NR3C2: variants seen among roughly 807,000 people sequenced by gnomAD.
NR3C2 encodes nuclear receptor subfamily 3 group C member 2.
NR3C2 carries 15 observed loss-of-function variants against 86.4 expected under a neutral mutation model. The ratio of observed to expected loss-of-function variants is 0.17; its 90% CI spans 0.12 to 0.27. NR3C2 has a LOEUF of 0.27. Ranked by LOEUF, NR3C2 falls within the 10% of genes least tolerant of loss-of-function variation. The probability of loss-of-function intolerance (pLI) is 1.00; values close to 1 mark genes in which losing one functional copy is unlikely to be tolerated. For missense variants in NR3C2, 960 were observed against 1,195.6 expected (o/e 0.80, Z 2.91); for synonymous variants, 458 against 450.5 (o/e 1.02, Z -0.21).
intron 4 of NR3C2, among the ~76,000 whole-genome samples, chr4:148,193,411 AGT>A (rs1560970769): frequency 3.3e-5 from 5 of 152,180 alleles, no homozygotes; most frequent in African/African-American, 1.2e-4. Flanking sequence ...TTGTTCTTGC[AGT>A]GGATCTGGAG....
chr4:148,297,401 A>T (rs1237769209), intron 2 of NR3C2, among the ~76,000 whole-genome samples: 3 of 152,240 alleles, frequency 2.0e-5, no homozygotes, highest in Non-Finnish European at 2.9e-5. Context: ...ACATAGGTAT[A>T]ACTTAGAATA....
At chr4:148,281,300 A>G (rs1376634654) in intron 2 of NR3C2, among the ~76,000 whole-genome samples, 1 of 152,254 alleles carries the variant, frequency 6.6e-6, no homozygotes, top group African/African-American at 2.4e-5. Flanking sequence ...AAATGCAGGG[A>G]AAACCGTTTA....
intron 3 of NR3C2, among the ~76,000 whole-genome samples, chr4:148,254,649 T>C (rs1474988324): frequency 6.6e-6 from 1 of 152,204 alleles, no homozygotes; most frequent in Non-Finnish European, 1.5e-5. Flanking sequence ...TGGGTAGGTA[T>C]TTATTTAGGC....
intron 3 of NR3C2, among the ~76,000 whole-genome samples, chr4:148,254,844 G>A (rs771037585): frequency 1.3e-5 from 2 of 152,090 alleles, no homozygotes; most frequent in South Asian, 2.1e-4. Context: ...TAAGCTTCCT[G>A]TACATGATTC....
At chr4:148,138,328 T>C (rs1733447857) in intron 6 of NR3C2, among the ~76,000 whole-genome samples, 1 of 152,250 alleles carries the variant, frequency 6.6e-6, no homozygotes, top group Non-Finnish European at 1.5e-5. Context: ...GTTCCAGTTT[T>C]TCTAAGAACA....
At chr4:148,302,404 C>T (rs62332047) in intron 2 of NR3C2, among the ~76,000 whole-genome samples, 113 of 151,526 alleles carry the variant, frequency 7.5e-4, no homozygotes, top group African/African-American at 2.5e-3. Flanking sequence ...ATTGAGTAAA[C>T]ATCCTGTGAA....
At chr4:148,203,571 C>T (rs1021124252) in intron 3 of NR3C2, among the ~76,000 whole-genome samples, 1 of 151,892 alleles carries the variant, frequency 6.6e-6, no homozygotes, top group Admixed American at 6.6e-5. Flanking sequence ...CTGGTTCGAA[C>T]AACCTGGGAA....
chr4:148,238,730 T>C (rs1376223600), intron 3 of NR3C2, among the ~76,000 whole-genome samples: 1 of 152,184 alleles, frequency 6.6e-6, no homozygotes, highest in Non-Finnish European at 1.5e-5. Context: ...GGTACTATGT[T>C]ATTTGTAGAG....
chr4:148,280,850 C>T (rs1227880128), intron 2 of NR3C2, among the ~76,000 whole-genome samples: 1 of 152,148 alleles, frequency 6.6e-6, no homozygotes, highest in Non-Finnish European at 1.5e-5. Flanking sequence ...TGAGCTGTTT[C>T]CTCTGGTAAA....
rs1403914258 is a variant in NR3C2, at chr4:148,299,161, T to A, written c.1758-39044A>T. Among the ~76,000 whole-genome samples the A allele has an allele frequency of 4.6e-5, 7 of 152,324 alleles. No individual in the cohort carries two copies. The East Asian group carries it at 1.3e-3, about 29-fold the overall frequency. ...GTCTCCTCACCTTTCAATGTGTCCATGTGTCTAATTTTTCTTGGTTGTGAC... is the reference window on the plus strand; with the variant it reads ...GTCTCCTCACCTTTCAATGTGTCCAAGTGTCTAATTTTTCTTGGTTGTGAC... On this transcript the variant is annotated intron_variant, in intron 2 of 8. Coordinates refer to ENST00000358102, the MANE Select transcript of NR3C2 (RefSeq NM_000901.5).
At chr4:148,082,142 G>A (rs1473197318) in intron 8 of NR3C2, among the ~76,000 whole-genome samples, 1 of 152,240 alleles carries the variant, frequency 6.6e-6, no homozygotes, top group Non-Finnish European at 1.5e-5. Context: ...TTTTGAGACA[G>A]TGAAATACAT....
chr4:148,220,033 A>G (rs567452432), intron 3 of NR3C2, among the ~76,000 whole-genome samples: 33 of 151,874 alleles, frequency 2.2e-4, no homozygotes, highest in Non-Finnish European at 4.1e-4. Flanking sequence ...AGCAGCTCTC[A>G]CACCTCAGCC....
At chr4:148,307,177 A>G (rs1742672699) in intron 2 of NR3C2, among the ~76,000 whole-genome samples, 1 of 152,170 alleles carries the variant, frequency 6.6e-6, no homozygotes, top group South Asian at 2.1e-4. Context: ...ATGCAAAAAA[A>G]AAACTTGGCA....
intron 2 of NR3C2, among the ~76,000 whole-genome samples, chr4:148,358,318 G>A (rs1321528590): frequency 2.0e-5 from 3 of 152,072 alleles, no homozygotes; most frequent in African/African-American, 7.2e-5. Flanking sequence ...CATGTCCTTT[G>A]TAGGGACATG....
intron 7 of NR3C2, among the ~76,000 whole-genome samples, chr4:148,119,576 C>T (rs893471827): frequency 7.9e-5 from 12 of 152,062 alleles, no homozygotes; most frequent in Admixed American, 1.3e-4. Context: ...GGTGGATCAC[C>T]GGAGTTCGAG....
chr4:148,347,629 T>C (rs1382883197), intron 2 of NR3C2, among the ~76,000 whole-genome samples: 1 of 152,138 alleles, frequency 6.6e-6, no homozygotes, highest in Non-Finnish European at 1.5e-5. Context: ...ATTTGCACAC[T>C]GTTTCCCTAC....
intron 6 of NR3C2, 137 bp from the exon 7 acceptor site, chr4:148,120,425 A>G: frequency 9.7e-7 from 1 of 1,026,514 alleles, no homozygotes; most frequent in African/African-American, 1.6e-5. Flanking sequence ...TGTGTATTTT[A>G]AAGACAAGTT....
chr4:148,173,082 A>G (rs1452548482), intron 4 of NR3C2, among the ~76,000 whole-genome samples: 1 of 152,220 alleles, frequency 6.6e-6, no homozygotes, highest in African/African-American at 2.4e-5. Flanking sequence ...GTGTTGACAA[A>G]GGCACAAACT....
intron 4 of NR3C2, among the ~76,000 whole-genome samples, chr4:148,189,561 T>G (rs1736099359): frequency 6.6e-6 from 1 of 152,156 alleles, no homozygotes; most frequent in South Asian, 2.1e-4. Flanking sequence ...GGAGGGTTCC[T>G]TCTTTCTCTG....
Sources: allele counts gnomAD v4.1 joint callset (sites outside exome capture counted in the v4.1 genomes callset), GRCh38; gene constraint gnomAD v4.1.1; transcripts MANE v1.5; gene names NCBI Gene and HGNC (gene_info 2026-07-23, HGNC 2026-07-21).